Variants in KLHL20 observed in about 807,000 individuals in gnomAD.
KLHL20 encodes the protein kelch-like protein 20.
In KLHL20, 29 loss-of-function variants were observed where a neutral mutation model predicts 69.5. That is an observed-to-expected ratio of 0.42 (90% CI 0.31 to 0.57). The LOEUF (loss-of-function observed/expected upper bound fraction) is 0.57. Ranked by LOEUF, KLHL20 falls within the 20% of genes least tolerant of loss-of-function variation. The probability of loss-of-function intolerance (pLI) is 0.18; values close to 1 mark genes in which losing one functional copy is unlikely to be tolerated. For synonymous variants in KLHL20, 253 were observed against 265.2 expected, an observed-to-expected ratio of 0.95 and a Z score of 0.45; for missense variants, 419 against 776.0, an observed-to-expected ratio of 0.54 and a Z score of 5.47.
chr1:173,735,993 G>A (rs1277618396), intron 3 of KLHL20, among the ~76,000 whole-genome samples: 1 of 138,374 alleles, frequency 7.2e-6, no homozygotes, highest in East Asian at 2.1e-4. Flanking sequence ...TGCCCACGCT[G>A]GAGTGCAACG....
At chr1:173,740,138 T>TA (rs1416557212) in intron 3 of KLHL20, among the ~76,000 whole-genome samples, 2 of 149,904 alleles carry the variant, frequency 1.3e-5, no homozygotes, top group East Asian at 2.0e-4. Flanking sequence ...TTTTTTTTTT[T>TA]AATGATGGAG....
In KLHL20 at chr1:173,733,914, C is replaced by T. The variant is rs767298127; in HGVS notation, c.225C>T (p.Gly75=). The part of the protein sequence containing the change: ...RELCDVVLVV[G]AKKIYAHRVI... Reference sequence around the variant, plus strand: ...TATGTGATGTGGTGCTAGTTGTGGGCGCCAAGAAGATATATGCCCATCGAG... The same window carrying T: ...TATGTGATGTGGTGCTAGTTGTGGGTGCCAAGAAGATATATGCCCATCGAG... The change falls in exon 3 of 12, where the codon GGC becomes GGT. Residue 75 remains glycine, a synonymous_variant. Coordinates refer to ENST00000209884, the MANE Select transcript of KLHL20 (RefSeq NM_014458.4). The T allele has an allele frequency of 5.0e-6, 8 of 1,614,004 alleles. No individual in the cohort carries two copies. The highest frequency in any genetic ancestry group is 1.7e-5 in the Admixed American group (1 of 59,992).
intron 2 of KLHL20, 52 bp downstream of exon 2, chr1:173,716,118 T>A: frequency 6.4e-7 from 1 of 1,567,804 alleles, no homozygotes; most frequent in Non-Finnish European, 8.7e-7. Flanking sequence ...ATTCAGCATG[T>A]AATAATTTAA....
chr1:173,782,328 T>C, intron 11 of KLHL20, 98 bp downstream of exon 11: 2 of 825,176 alleles, frequency 2.4e-6, no homozygotes, highest in Non-Finnish European at 4.0e-6. Context: ...GGTCAGTACA[T>C]TGGAGTACTT....
At chr1:173,719,276 A>G (rs988945018) in intron 2 of KLHL20, among the ~76,000 whole-genome samples, 32 of 152,046 alleles carry the variant, frequency 2.1e-4, no homozygotes, top group African/African-American at 7.0e-4. Context: ...TCTGTCTGCA[A>G]TGAATATCCT....
chr1:173,772,575 ATAT>A (rs754883699), intron 8 of KLHL20, among the ~76,000 whole-genome samples: 4 of 152,230 alleles, frequency 2.6e-5, no homozygotes, highest in African/African-American at 7.2e-5. Context: ...CAAATAGTTA[ATAT>A]TATTATATTG....
intron 3 of KLHL20, 48 bp from the exon 4 acceptor site, chr1:173,751,716 T>C (rs1673323035): frequency 1.3e-6 from 2 of 1,579,194 alleles, no homozygotes; most frequent in South Asian, 2.2e-5. Flanking sequence ...ACTGAGACAA[T>C]AAATGTGATC....
At chr1:173,784,096 C>A (rs1649055660) in intron 11 of KLHL20, among the ~76,000 whole-genome samples, 1 of 152,018 alleles carries the variant, frequency 6.6e-6, no homozygotes, top group African/African-American at 2.4e-5. Flanking sequence ...AACAAAACAA[C>A]AAAAAAGTTC....
intron 3 of KLHL20, chr1:173,734,535 A>G (rs74126407): frequency 4.4e-6 from 2 of 457,062 alleles, no homozygotes; most frequent in Admixed American, 3.6e-5. Flanking sequence ...AAAATTTTTA[A>G]AAAGGTTTAT....
chr1:173,784,851 C>T lies in KLHL20; in HGVS notation c.1746-312C>T, dbSNP rs967454664. On this transcript the variant is annotated intron_variant, in intron 11 of 11. Coordinates refer to ENST00000209884, the MANE Select transcript of KLHL20 (RefSeq NM_014458.4). ...TGTAGAATATATAATTCTGTGTAACCGTTAGAAGTCAGTGAGGTATACAGT... is the reference window on the plus strand; with the variant it reads ...TGTAGAATATATAATTCTGTGTAACTGTTAGAAGTCAGTGAGGTATACAGT... 1.1e-4 allele frequency among the ~76,000 whole-genome samples: 17 copies of T among 152,118 alleles called. 1 individual carries two copies. The highest frequency in any genetic ancestry group is 9.8e-4 in the Admixed American group (15 of 15,270).
intron 2 of KLHL20, among the ~76,000 whole-genome samples, chr1:173,729,169 C>T (rs1672127789): frequency 6.6e-6 from 1 of 152,120 alleles, no homozygotes; most frequent in African/African-American, 2.4e-5. Context: ...CTAGACTAAA[C>T]CAGGAAGAAG....
chr1:173,715,985 G>C lies in KLHL20; in HGVS notation c.-41-18G>C. On this transcript the variant is annotated intron_variant, in intron 1 of 11. Transcript: ENST00000209884. Reference sequence around the variant, plus strand: ...CAGAAATAGCTTTTATTAAGTTCCTGCTTTTCTGTTGTCTTAGGTTCGGCT... The same window carrying C: ...CAGAAATAGCTTTTATTAAGTTCCTCCTTTTCTGTTGTCTTAGGTTCGGCT... 1 of 1,554,914 alleles carries C rather than the reference G, an allele frequency of 6.4e-7. No individual in the cohort carries two copies. Among genetic ancestry groups the C allele is most frequent in the Admixed American group, 1.8e-5 (1 of 55,610 alleles).
intron 10 of KLHL20, among the ~76,000 whole-genome samples, chr1:173,778,701 G>C (rs1648645907): frequency 6.6e-6 from 1 of 152,040 alleles, no homozygotes; most frequent in African/African-American, 2.4e-5. Context: ...TTGGTAGGTT[G>C]TATGTGTCTA....
At chr1:173,764,790 G>A (rs1212554199) in intron 7 of KLHL20, among the ~76,000 whole-genome samples, 2 of 152,050 alleles carry the variant, frequency 1.3e-5, no homozygotes, top group Non-Finnish European at 2.9e-5. Flanking sequence ...ACTGATGCAT[G>A]CACCAAAGTC....
intron 11 of KLHL20, 99 bp downstream of exon 11, chr1:173,782,329 T>C: frequency 1.2e-6 from 1 of 823,866 alleles, no homozygotes; most frequent in Non-Finnish European, 2.0e-6. Context: ...GTCAGTACAT[T>C]GGAGTACTTT....
At chr1:173,726,140 C>A (rs1346969805) in intron 2 of KLHL20, among the ~76,000 whole-genome samples, 1 of 152,132 alleles carries the variant, frequency 6.6e-6, no homozygotes, top group African/African-American at 2.4e-5. Flanking sequence ...CACAGAGCCT[C>A]ACTCATTGCT....
intron 6 of KLHL20, among the ~76,000 whole-genome samples, chr1:173,756,269 A>C (rs1673543198): frequency 6.6e-6 from 1 of 152,200 alleles, no homozygotes; most frequent in Admixed American, 6.5e-5. Context: ...AAATCCAAAA[A>C]TGTTGGCTGG....
At chr1:173,762,533 C>A (rs1647377116) in intron 7 of KLHL20, among the ~76,000 whole-genome samples, 1 of 152,124 alleles carries the variant, frequency 6.6e-6, no homozygotes, top group South Asian at 2.1e-4. Context: ...GATAATCCAC[C>A]ATGATCAAGT....
chr1:173,741,660 C>A (rs1672814972), intron 3 of KLHL20: 3 of 643,758 alleles, frequency 4.7e-6, no homozygotes, highest in African/African-American at 3.7e-5. Flanking sequence ...GTGGTGATGA[C>A]CTTCCCACAA....
Sources: gnomAD v4.1 joint callset for allele counts (sites outside exome capture counted in the v4.1 genomes callset) on GRCh38, gnomAD v4.1.1 for gene constraint, MANE v1.5 for transcripts, NCBI Gene and HGNC (gene_info 2026-07-23, HGNC 2026-07-21) for gene names.